KRTCAP3: variants seen among roughly 807,000 people sequenced by gnomAD.
KRTCAP3 encodes keratinocyte associated protein 3, also known as keratinocyte-associated protein 3.
KRTCAP3 carries 18 observed loss-of-function variants against 20.5 expected under a neutral mutation model. The ratio of observed to expected loss-of-function variants is 0.88; its 90% CI spans 0.61 to 1.31. The LOEUF (loss-of-function observed/expected upper bound fraction) is 1.31. KRTCAP3 is among the 50% of genes most tolerant of loss of function. The pLI, the probability that KRTCAP3 is intolerant of heterozygous loss-of-function variation, is 0.00. For synonymous variants in KRTCAP3, 167 were observed against 133.7 expected (o/e 1.25, Z -1.72); for missense variants, 347 against 310.4 (o/e 1.12, Z -0.89).
At chr2:27,444,947 A>C (rs1261738260), downstream of KRTCAP3, 41 of 1,549,876 alleles carry the variant, frequency 2.6e-5, no homozygotes, top group Non-Finnish European at 7.9e-6. Context: ...CTGCACCCAG[A>C]CTTGTTTTTT....
In KRTCAP3 at chr2:27,442,898, A is replaced by G. The variant is rs1185333047; in HGVS notation, c.270A>G (p.Pro90=). 6.2e-7 allele frequency: 1 copy of G among 1,612,982 alleles called. No homozygotes were observed. Among genetic ancestry groups the G allele is most frequent in the South Asian group, 1.1e-5 (1 of 91,074 alleles). Residue 90 remains proline (P), a synonymous_variant, in exon 3 of 7, where the codon CCA becomes CCG. Transcript: ENST00000288873. ...LLASRNLLRP[P]LHWVLLALAL... ...CGTCCAGGAACCTTCTTCGCCCTCCACTGGTGAGAGGGACTTCCCTGGAGC... is the reference window on the plus strand; with the variant it reads ...CGTCCAGGAACCTTCTTCGCCCTCCGCTGGTGAGAGGGACTTCCCTGGAGC...
downstream of KRTCAP3, chr2:27,445,279 G>A: frequency 1.2e-6 from 2 of 1,604,668 alleles, no homozygotes; most frequent in Non-Finnish European, 1.7e-6. The surrounding 1 kb of genome is among the most constrained non-coding windows in gnomAD (Gnocchi z 4.4). Context: ...GATCTGGGGT[G>A]CTGTAGGCTT....
downstream of KRTCAP3, chr2:27,445,082 T>C: frequency 6.2e-7 from 1 of 1,612,532 alleles, no homozygotes; most frequent in Non-Finnish European, 8.5e-7. This position sits in a 1 kb window ranked among gnomAD's most constrained non-coding sequence, Gnocchi z 4.4. Context: ...TTAAATTCAA[T>C]TTTGTTCCTC....
chr2:27,442,981 T>TA (rs1664710607), intron 3 of KRTCAP3, 80 bp downstream of exon 3: 2 of 1,580,794 alleles, frequency 1.3e-6, no homozygotes, highest in South Asian at 2.2e-5. Flanking sequence ...GGTCTTTCAA[T>TA]AGATTGGAGG....
chr2:27,443,034 C>G, intron 3 of KRTCAP3, 40 bp from the exon 4 acceptor site: 1 of 1,588,468 alleles, frequency 6.3e-7, no homozygotes, highest in South Asian at 1.1e-5. Context: ...GAGAGTTAGC[C>G]AGGCCCAGGC....
chr2:27,442,519 C>A, intron 1 of KRTCAP3, 60 bp from the exon 2 acceptor site: 1 of 1,525,632 alleles, frequency 6.6e-7, no homozygotes, highest in Non-Finnish European at 8.8e-7. Flanking sequence ...GGTTAACCCG[C>A]CGCGAGCCGC....
chr2:27,444,554 T>G, downstream of KRTCAP3: 1 of 1,542,090 alleles, frequency 6.5e-7, no homozygotes, highest in Non-Finnish European at 8.9e-7. Flanking sequence ...GAGAGGAACT[T>G]GTTAATGCTG....
At chr2:27,444,340 T>C (rs1209742046), downstream of KRTCAP3, 2 of 783,900 alleles carry the variant, frequency 2.6e-6, no homozygotes, top group East Asian at 5.3e-5. Flanking sequence ...TGTGTGGTGT[T>C]GGGAATGACT....
Position 27,443,515 on chromosome 2 carries a change from G to A in KRTCAP3, c.598G>A (p.Asp200Asn), listed in dbSNP as rs1664748861. 6.2e-7 allele frequency: 1 copy of A among 1,614,030 alleles called. No homozygotes were observed. Among genetic ancestry groups the A allele is most frequent in the African/African-American group, 1.3e-5 (1 of 74,920 alleles). The stretch of plus-strand genomic sequence containing the variant: ...ACGTGGAGTTGGGCCCTGCAGGAAG[G>A]ACGGACTTCAGGGGCAGGTAAGGAA... Reference protein sequence around the residue: ...TLRGVGPCRKDGLQGQLEEMT... With the variant: ...TLRGVGPCRKNGLQGQLEEMT... Residue 200 changes from aspartate (D) to asparagine (N), a missense_variant, in exon 5 of 7, where the codon GAC becomes AAC. Asp to Asn is a conservative substitution (Grantham distance 23, BLOSUM62 1). Coordinates refer to ENST00000288873, the MANE Select transcript of KRTCAP3 (RefSeq NM_173853.4).
chr2:27,446,386 G>C (rs1572711886), downstream of KRTCAP3: 2 of 1,594,874 alleles, frequency 1.3e-6, no homozygotes, highest in South Asian at 2.2e-5. Flanking sequence ...TTATGAATAT[G>C]GCACTAAAGT....
downstream of KRTCAP3, chr2:27,444,447 G>C (rs761254391): frequency 1.2e-6 from 2 of 1,612,390 alleles, no homozygotes; most frequent in Non-Finnish European, 1.7e-6. Flanking sequence ...GAAAGGAAAA[G>C]CTGGTGCTGG....
At chr2:27,446,301 G>A (rs1307170010), downstream of KRTCAP3, 1 of 1,614,240 alleles carries the variant, frequency 6.2e-7, no homozygotes, top group Non-Finnish European at 8.5e-7. Flanking sequence ...TTGTCTACAG[G>A]TAGTAGCTGG....
rs1447050236 is a variant in KRTCAP3 at position 27,443,385 on chromosome 2, TCTTG to T, written c.481-9_481-6del. On this transcript the variant is annotated splice_polypyrimidine_tract_variant and intron_variant, in intron 4 of 6. Coordinates refer to ENST00000288873, the MANE Select transcript of KRTCAP3 (RefSeq NM_173853.4). ...CCTACTCCCTCCTACTCCCCATCCT[TCTTG>T]CTTTTCAGGATACAGCCTTGGCTCT... The T allele has an allele frequency of 6.2e-7, 1 of 1,614,136 alleles. No individual in the cohort carries two copies.
At chr2:27,445,868 A>G (rs758791297), downstream of KRTCAP3, 6 of 1,614,024 alleles carry the variant, frequency 3.7e-6, no homozygotes, top group Non-Finnish European at 4.2e-6. The surrounding 1 kb of genome is among the most constrained non-coding windows in gnomAD (Gnocchi z 4.4). Context: ...GCAACCATGA[A>G]CTAGGCACAG....
Position 27,443,401 on chromosome 2 carries a change from A to T in KRTCAP3, c.484A>T (p.Thr162Ser). 1 of 1,614,100 alleles carries T rather than the reference A, an allele frequency of 6.2e-7. No individual in the cohort carries two copies. Among genetic ancestry groups the T allele is most frequent in the African/African-American group, 1.3e-5 (1 of 75,008 alleles). ...CCCCATCCTTCTTGCTTTTCAGGAT[A>T]CAGCCTTGGCTCTCTGGATCCCTTC... ...CPFDPTRIYD[T>S]ALALWIPSLL... Residue 162 changes from threonine to serine, a missense_variant, in exon 5 of 7, where the codon ACA (threonine) becomes TCA (serine). Transcript: ENST00000288873.
At position 27,442,782 on chromosome 2, in the gene KRTCAP3, C is replaced by T. The variant is rs1004592347; in HGVS notation, c.213+19C>T. 1.9e-6 allele frequency: 3 copies of T among 1,610,816 alleles called. No individual in the cohort carries two copies. In the African/African-American group the frequency reaches 4.0e-5, roughly 22 times the overall value. On this transcript the variant is annotated intron_variant, in intron 2 of 6. Transcript: ENST00000288873. ...GCTGCTGGTGAGCGCGGCAGGCGACCCGGGCGGGGGCCGGGCTCCCGGAGA... is the reference window on the plus strand; with the variant it reads ...GCTGCTGGTGAGCGCGGCAGGCGACTCGGGCGGGGGCCGGGCTCCCGGAGA...
At position 27,444,239 on chromosome 2, in the gene KRTCAP3, G is replaced by T; in HGVS notation, c.*59G>T. On this transcript the variant is annotated 3_prime_UTR_variant, in exon 7 of 7. Coordinates refer to ENST00000288873, the MANE Select transcript of KRTCAP3 (RefSeq NM_173853.4). ...AGGGTTTTTTTTCCCACTAAGCAAG[G>T]GGCCCTGACCTCGGGATGAGATAAC... 2 of 645,426 alleles carry T rather than the reference G, an allele frequency of 3.1e-6. No individual in the cohort carries two copies. The highest frequency in any genetic ancestry group is 5.5e-6 in the Non-Finnish European group (2 of 364,192). 40.0% of individuals were successfully genotyped at this position (645,426 alleles called of 1,614,324 possible).
chr2:27,443,817 A>C, intron 5 of KRTCAP3, 132 bp from the exon 6 acceptor site: 1 of 653,402 alleles, frequency 1.5e-6, no homozygotes, highest in East Asian at 2.7e-5. Flanking sequence ...CGGAGGTTGC[A>C]GTGAACCGAG....
downstream of KRTCAP3, chr2:27,445,198 G>A: frequency 6.3e-7 from 1 of 1,590,922 alleles, no homozygotes; most frequent in Admixed American, 1.8e-5. The surrounding 1 kb of genome is among the most constrained non-coding windows in gnomAD (Gnocchi z 4.4). Context: ...GCACAGTCCT[G>A]TCTTTTGTAC....
Sources: allele counts gnomAD v4.1 joint callset, GRCh38; gene constraint gnomAD v4.1.1; non-coding constraint Gnocchi (gnomAD v3.1); transcripts MANE v1.5; gene names NCBI Gene and HGNC (gene_info 2026-07-23, HGNC 2026-07-21).